The following SPATA1 variants were observed in gnomAD, a reference collection of about 807,000 sequenced individuals.
The protein encoded by SPATA1 is spermatogenesis associated 1.
In SPATA1, 57 loss-of-function variants were observed where a neutral mutation model predicts 59.6. The ratio of observed to expected loss-of-function variants is 0.96; its 90% confidence interval spans 0.77 to 1.19. The LOEUF (loss-of-function observed/expected upper bound fraction) is 1.19. Among genes scored for constraint, SPATA1 ranks in the 50% most tolerant of loss-of-function variants. The pLI, the probability that SPATA1 is intolerant of heterozygous loss-of-function variation, is 0.00. For synonymous variants in SPATA1, 147 were observed against 163.9 expected (o/e 0.90, Z 0.79); for missense variants, 448 against 480.7 (o/e 0.93, Z 0.64).
At chr1:84,520,836 A>G (rs1682993576) in intron 3 of SPATA1, 145 bp downstream of exon 3, 3 of 630,492 alleles carry the variant, frequency 4.8e-6, no homozygotes, top group South Asian at 3.8e-5. Context: ...AATGAATACT[A>G]TCAATATATA....
intron 6 of SPATA1, among the ~76,000 whole-genome samples, chr1:84,527,083 A>C (rs1247685156): frequency 6.6e-6 from 1 of 152,178 alleles, no homozygotes; most frequent in African/African-American, 2.4e-5. Context: ...GAAAGCAGGT[A>C]CTAACTTTGG....
chr1:84,513,713 C>A (rs1682673312), intron 1 of SPATA1, among the ~76,000 whole-genome samples: 4 of 152,186 alleles, frequency 2.6e-5, no homozygotes. Context: ...TTCTCACTAC[C>A]AGTTAACCTA....
downstream of SPATA1, among the ~76,000 whole-genome samples, chr1:84,566,681 G>GTC (rs1209647061): frequency 6.6e-6 from 1 of 152,196 alleles, no homozygotes; most frequent in Non-Finnish European, 1.5e-5. Context: ...CACCCAGGGT[G>GTC]GAGTGCAGTG....
intron 4 of SPATA1, chr1:84,563,467 T>G: frequency 1.5e-6 from 2 of 1,331,416 alleles, no homozygotes; most frequent in Non-Finnish European, 2.0e-6. Flanking sequence ...TATGCAATTC[T>G]TAAAAGCCAA....
rs937843544 is a variant in SPATA1 at position 84,533,887 on chromosome 1, A to G, written c.717+121A>G. On this transcript the variant is annotated intron_variant, in intron 8 of 12. Coordinates refer to ENST00000490879, the Ensembl canonical transcript of SPATA1. ...TTCCAGAAACATACTTCTAATATCA[A>G]TATAATCAATAGTAGTCCAATTTTT... 4.9e-5 allele frequency: 31 copies of G among 626,852 alleles called. 1 individual carries two copies. The Admixed American group carries it at 6.0e-4, about 12-fold the overall frequency. 38.8% of individuals were successfully genotyped at this position (626,852 alleles called of 1,614,324 possible). A position where few individuals can be genotyped will look rare whatever the true frequency, so the allele number is the denominator to read the frequency against.
intron 4 of SPATA1, among the ~76,000 whole-genome samples, chr1:84,524,148 A>G (rs1351547454): frequency 2.0e-5 from 3 of 152,068 alleles, no homozygotes; most frequent in Non-Finnish European, 2.9e-5. Flanking sequence ...CAATATTTCA[A>G]TTTGGATCCT....
At chr1:84,522,607 G>A (rs74782829) in intron 4 of SPATA1, 100 bp downstream of exon 4, 6,334 of 500,372 alleles carry the variant, frequency 0.013, 62 homozygotes, top group Middle Eastern at 0.017. Flanking sequence ...GATATTATTA[G>A]ATATGTAATC....
intron 8 of SPATA1, among the ~76,000 whole-genome samples, chr1:84,540,672 G>A (rs967922486): frequency 2.0e-5 from 3 of 152,170 alleles, no homozygotes; most frequent in Admixed American, 2.0e-4. Context: ...TTTTGCAAAA[G>A]ATTTTTCAAT....
intron 1 of SPATA1, among the ~76,000 whole-genome samples, chr1:84,512,066 C>G (rs532015401): frequency 2.0e-5 from 3 of 152,230 alleles, no homozygotes; most frequent in African/African-American, 2.4e-5. Context: ...AACCAGGAAC[C>G]AGATAAAGCA....
At chr1:84,511,974 G>T (rs887414350) in intron 1 of SPATA1, among the ~76,000 whole-genome samples, 1 of 152,078 alleles carries the variant, frequency 6.6e-6, no homozygotes, top group Non-Finnish European at 1.5e-5. Flanking sequence ...GAGCCACCGC[G>T]CCTGGCCTCA....
chr1:84,555,088 T>C (rs2102014250), downstream of SPATA1: 2 of 1,614,032 alleles, frequency 1.2e-6, no homozygotes, highest in African/African-American at 1.3e-5. Flanking sequence ...TCAAGACAGT[T>C]TGCATTCCAC....
chr1:84,507,263 TTTTA>T (rs1682303887), intron 1 of SPATA1: 1 of 152,210 alleles, frequency 6.6e-6, no homozygotes, highest in Admixed American at 6.5e-5. Flanking sequence ...ATTTCAAATT[TTTTA>T]TTAGGGAAGC....
intron 2 of SPATA1, among the ~76,000 whole-genome samples, chr1:84,517,671 C>T (rs1191099940): frequency 6.6e-6 from 1 of 152,000 alleles, no homozygotes; most frequent in South Asian, 2.1e-4. Flanking sequence ...CTACTTGACT[C>T]TTCTTTCAAA....
At chr1:84,563,965 T>A in intron 4 of SPATA1, 1 of 1,043,408 alleles carries the variant, frequency 9.6e-7, no homozygotes, top group Non-Finnish European at 1.3e-6. Flanking sequence ...TTGTTTAATA[T>A]GTTATAAAAC....
chr1:84,560,409 CATT>C (rs1684569475), intron 4 of SPATA1, among the ~76,000 whole-genome samples: 1 of 152,168 alleles, frequency 6.6e-6, no homozygotes, highest in Non-Finnish European at 1.5e-5. Flanking sequence ...AGTCTGTTTG[CATT>C]AGCTCATGCC....
At chr1:84,550,331 A>G in intron 11 of SPATA1, 101 bp from the exon 12 acceptor site, 2 of 514,684 alleles carry the variant, frequency 3.9e-6, no homozygotes, top group African/African-American at 2.0e-5. Flanking sequence ...TTCATGATTT[A>G]CTCTTTTGAT....
chr1:84,550,669 G>T, intron 12 of SPATA1, 139 bp downstream of exon 12: 2 of 1,217,090 alleles, frequency 1.6e-6, no homozygotes, highest in Non-Finnish European at 1.0e-6. Context: ...ACAGTAAAGA[G>T]CATAGGTGAA....
chr1:84,563,272 A>C (rs1300310734), intron 4 of SPATA1: 2 of 1,552,924 alleles, frequency 1.3e-6, no homozygotes, highest in Admixed American at 4.1e-5. Context: ...AGTTATAATA[A>C]GGAGCCCGCT....
chr1:84,559,224 T>G (rs896151778), downstream of SPATA1, among the ~76,000 whole-genome samples: 1 of 152,232 alleles, frequency 6.6e-6, no homozygotes, highest in Non-Finnish European at 1.5e-5. Context: ...CCAAACTTTT[T>G]CATTATTATT....
Sources: gnomAD v4.1 joint callset for allele counts (sites outside exome capture counted in the v4.1 genomes callset) on GRCh38, gnomAD v4.1.1 for gene constraint, MANE v1.5 for transcripts, NCBI Gene and HGNC (gene_info 2026-07-23, HGNC 2026-07-21) for gene names.